NRG1: variants seen among roughly 807,000 people sequenced by gnomAD.
NRG1 encodes the protein neuregulin 1.
Under a neutral mutation model 63.8 loss-of-function variants are expected in NRG1, and 18 were observed. The ratio of observed to expected loss-of-function variants is 0.28; its 90% CI spans 0.19 to 0.42. NRG1 has a LOEUF of 0.42. Ranked by LOEUF, NRG1 falls within the 10% of genes least tolerant of loss-of-function variation. The probability of loss-of-function intolerance (pLI) is 1.00; values close to 1 mark genes in which losing one functional copy is unlikely to be tolerated. For synonymous variants in NRG1, 302 were observed against 301.3 expected (o/e 1.00, Z -0.02); for missense variants, 762 against 814.7 (o/e 0.94, Z 0.79).
intron 5 of NRG1, among the ~76,000 whole-genome samples, chr8:32,636,406 G>C (rs778331876): frequency 6.8e-4 from 104 of 152,244 alleles, no homozygotes; most frequent in Non-Finnish European, 8.1e-4. Flanking sequence ...TAAAATATCT[G>C]TGTGAATCAC....
At chr8:31,893,694 G>A (rs1290760539) in intron 1 of NRG1, among the ~76,000 whole-genome samples, 1 of 1,484 alleles carries the variant, frequency 6.7e-4, no homozygotes, top group Non-Finnish European at 1.2e-3. Context: ...GATTAAAGTG[G>A]TCAATGTCTT....
intron 1 of NRG1, among the ~76,000 whole-genome samples, chr8:32,080,339 G>A (rs1472154334): frequency 2.6e-5 from 4 of 152,110 alleles, no homozygotes; most frequent in African/African-American, 4.8e-5. Flanking sequence ...GAGAAGTGTC[G>A]CATCCCTTAC....
chr8:31,929,431 T>C (rs1466914755), intron 1 of NRG1, among the ~76,000 whole-genome samples: 3 of 151,970 alleles, frequency 2.0e-5, no homozygotes, highest in Non-Finnish European at 2.9e-5. Flanking sequence ...TTTACTTAAA[T>C]TGTATACATT....
intron 1 of NRG1, among the ~76,000 whole-genome samples, chr8:31,884,883 A>G (rs747675754): frequency 3.3e-5 from 5 of 152,174 alleles, no homozygotes; most frequent in Non-Finnish European, 5.9e-5. Flanking sequence ...AAGAATTGCT[A>G]AAAGAAAGGA....
At chr8:31,925,876 AG>A (rs1373054017) in intron 1 of NRG1, among the ~76,000 whole-genome samples, 2 of 152,192 alleles carry the variant, frequency 1.3e-5, no homozygotes, top group Non-Finnish European at 2.9e-5. Context: ...TATGAATAAC[AG>A]TTATTTATTC....
rs191556236 is a variant in NRG1 at position 32,034,039 on chromosome 8, G to A, written c.37+394608G>A. Among the ~76,000 whole-genome samples, 542 of 152,214 alleles carry A rather than the reference G, an allele frequency of 3.6e-3. 9 individuals are homozygous for A. Among genetic ancestry groups the A allele is most frequent in the Admixed American group, 0.023 (350 of 15,286 alleles). On this transcript the variant is annotated intron_variant, in intron 1 of 10. Transcript: ENST00000519301. ...CCTTGTCTTGTGTTGGTTTTCAAGG[G>A]GAATGATTCCAGCTTTTGCCTATTC...
intron 1 of NRG1, among the ~76,000 whole-genome samples, chr8:32,282,793 CTTAT>C (rs1383664444): frequency 2.6e-5 from 4 of 152,226 alleles, no homozygotes; most frequent in South Asian, 2.1e-4. Context: ...ATAATTCCTA[CTTAT>C]TTAAGAACTT....
At chr8:32,705,876 C>T (rs908148409) in intron 5 of NRG1, among the ~76,000 whole-genome samples, 1 of 152,190 alleles carries the variant, frequency 6.6e-6, no homozygotes, top group African/African-American at 2.4e-5. Context: ...TACATGTCCT[C>T]GACAAGTCTT....
At chr8:32,608,052 T>C (rs1845565730) in intron 3 of NRG1, among the ~76,000 whole-genome samples, 1 of 150,574 alleles carries the variant, frequency 6.6e-6, no homozygotes, top group Non-Finnish European at 1.5e-5. Flanking sequence ...ATCACAGAGA[T>C]ATTTAACAGC....
chr8:31,915,896 A>G (rs1278521151), intron 1 of NRG1, among the ~76,000 whole-genome samples: 1 of 152,112 alleles, frequency 6.6e-6, no homozygotes, highest in Non-Finnish European at 1.5e-5. Flanking sequence ...ATTTTTTAAG[A>G]AACATGTTAA....
chr8:32,015,979 A>C (rs529053271), intron 1 of NRG1, among the ~76,000 whole-genome samples: 4 of 152,096 alleles, frequency 2.6e-5, no homozygotes, highest in African/African-American at 9.7e-5. Flanking sequence ...CAGCTCTACA[A>C]TTCTGTATTT....
chr8:31,682,624 T>A (rs115451034), intron 1 of NRG1, among the ~76,000 whole-genome samples: 3 of 152,118 alleles, frequency 2.0e-5, no homozygotes, highest in African/African-American at 7.2e-5. Context: ...TCCGTGTGCC[T>A]ATAATTTTTT....
intron 1 of NRG1, among the ~76,000 whole-genome samples, chr8:32,248,080 C>T (rs955966412): frequency 6.6e-6 from 1 of 152,100 alleles, no homozygotes; most frequent in Non-Finnish European, 1.5e-5. Context: ...TTGTCCTACA[C>T]ATTAACAACT....
At chr8:32,696,722 C>T (rs895418150) in intron 5 of NRG1, among the ~76,000 whole-genome samples, 2 of 147,230 alleles carry the variant, frequency 1.4e-5, no homozygotes, top group East Asian at 2.0e-4. Context: ...AGTGCAATGG[C>T]GCAATCTTGA....
At chr8:31,756,659 G>A (rs1816994223) in intron 1 of NRG1, among the ~76,000 whole-genome samples, 1 of 152,102 alleles carries the variant, frequency 6.6e-6, no homozygotes, top group Admixed American at 6.6e-5. Context: ...TTTATGGTCT[G>A]TTTTATTTCC....
At chr8:31,771,154 G>T (rs2131571526) in intron 1 of NRG1, among the ~76,000 whole-genome samples, 1 of 152,182 alleles carries the variant, frequency 6.6e-6, no homozygotes, top group Non-Finnish European at 1.5e-5. Context: ...TTGTAATCTT[G>T]TCCTTTCCCC....
chr8:32,415,119 G>T (rs1035092991), intron 1 of NRG1, among the ~76,000 whole-genome samples: 1 of 152,034 alleles, frequency 6.6e-6, no homozygotes, highest in East Asian at 1.9e-4. Context: ...TCTATAGAAG[G>T]CAGGTTTCAC....
chr8:32,729,030 T>C (rs1023598504), intron 6 of NRG1, among the ~76,000 whole-genome samples: 1 of 152,002 alleles, frequency 6.6e-6, no homozygotes, highest in Non-Finnish European at 1.5e-5. Context: ...ATTGCACCAC[T>C]GCACTCCAGC....
At chr8:31,799,576 T>G (rs1013362729) in intron 1 of NRG1, among the ~76,000 whole-genome samples, 12 of 152,036 alleles carry the variant, frequency 7.9e-5, no homozygotes, top group Non-Finnish European at 7.4e-5. Context: ...TACACATAAT[T>G]AACATATAAT....
Sources: gnomAD v4.1 joint callset for allele counts (sites outside exome capture counted in the v4.1 genomes callset) on GRCh38, gnomAD v4.1.1 for gene constraint, MANE v1.5 for transcripts, NCBI Gene and HGNC (gene_info 2026-07-23, HGNC 2026-07-21) for gene names.